Variants in VPS13C observed in about 807,000 individuals in gnomAD.
The protein encoded by VPS13C is intermembrane lipid transfer protein VPS13C.
A neutral mutation model predicts 456.8 loss-of-function variants in VPS13C; 358 were observed. That is an observed-to-expected ratio of 0.78 (90% confidence interval 0.72 to 0.86). VPS13C has a LOEUF of 0.86. Ranked by LOEUF, VPS13C falls within the 40% of genes least tolerant of loss-of-function variation. The pLI is 0.00. For missense variants in VPS13C, 4,818 were observed against 4,385.4 expected, an observed-to-expected ratio of 1.10 and a Z score of -2.79; for synonymous variants, 1,578 against 1,486.7, an observed-to-expected ratio of 1.06 and a Z score of -1.41.
chr15:62,040,818 G>A (rs918529090), intron 3 of VPS13C, among the ~76,000 whole-genome samples: 1 of 152,100 alleles, frequency 6.6e-6, no homozygotes, highest in Non-Finnish European at 1.5e-5. Flanking sequence ...ATTCAACAAA[G>A]ATATATATTT....
intron 16 of VPS13C, among the ~76,000 whole-genome samples, chr15:61,995,667 A>G (rs1258958914): frequency 7.2e-5 from 11 of 152,216 alleles, no homozygotes; most frequent in Non-Finnish European, 1.5e-5. Flanking sequence ...GCCAGAAATC[A>G]ACAAAAAGCT....
chr15:62,034,914 T>C (rs1265744229), intron 4 of VPS13C, 43 bp downstream of exon 4: 2 of 1,298,538 alleles, frequency 1.5e-6, no homozygotes, highest in Non-Finnish European at 2.2e-6. Context: ...CAATTTAATT[T>C]CAATGTGATG....
chr15:61,902,991 C>T (rs547479627), intron 66 of VPS13C, among the ~76,000 whole-genome samples: 43 of 150,526 alleles, frequency 2.9e-4, no homozygotes, highest in Non-Finnish European at 5.6e-4. Flanking sequence ...CCTGTTAAAA[C>T]GGATAAATTT....
At chr15:62,051,564 T>G (rs1470678154) in intron 1 of VPS13C, among the ~76,000 whole-genome samples, 1 of 152,194 alleles carries the variant, frequency 6.6e-6, no homozygotes. Flanking sequence ...CGTATAGGAT[T>G]TTAATTCAGA....
At chr15:61,971,919 C>T (rs939332978) in intron 27 of VPS13C, among the ~76,000 whole-genome samples, 5 of 152,128 alleles carry the variant, frequency 3.3e-5, no homozygotes, top group African/African-American at 4.8e-5. Flanking sequence ...GCACATGAAA[C>T]AGTCAATAAG....
At chr15:62,005,981 G>A (rs944594445) in intron 15 of VPS13C, among the ~76,000 whole-genome samples, 1 of 151,996 alleles carries the variant, frequency 6.6e-6, no homozygotes. Flanking sequence ...TGGGATTATA[G>A]GTGTGAGCCA....
chr15:62,044,075 G>T, intron 2 of VPS13C, 137 bp downstream of exon 2: 1 of 548,372 alleles, frequency 1.8e-6, no homozygotes, highest in Non-Finnish European at 3.1e-6. Context: ...TTTTCCAACA[G>T]CAAATAGTTG....
In VPS13C at chr15:61,920,177, A is replaced by G. The variant is rs753720235; in HGVS notation, c.7367T>C (p.Val2456Ala). ...GFPEKSDIFDVDAGQNLELEY... is the reference protein window; with the variant it reads ...GFPEKSDIFDADAGQNLELEY... The stretch of plus-strand genomic sequence containing the variant: ...CAGTTCCAAATTCTGGCCAGCATCA[A>G]CATCAAAAATATCACTTTTCTCAGG... Residue 2456 changes from valine to alanine, a missense_variant, in exon 57 of 85, where the codon GTT (valine) becomes GCT (alanine). Physicochemically the swap from Val to Ala is moderately conservative, Grantham distance 64. Transcript: ENST00000644861. 2 of 1,613,650 alleles carry G rather than the reference A, an allele frequency of 1.2e-6. No homozygotes were observed. The highest frequency in any genetic ancestry group is 1.1e-5 in the South Asian group (1 of 91,056).
chr15:61,899,366 T>C (rs1596308335), intron 66 of VPS13C, among the ~76,000 whole-genome samples: 1 of 143,282 alleles, frequency 7.0e-6, no homozygotes, highest in African/African-American at 2.6e-5. Context: ...GCAAGACTAA[T>C]AAAGAAAAAA....
chr15:62,001,305 A>G (rs1476996019), intron 15 of VPS13C, among the ~76,000 whole-genome samples: 1 of 152,202 alleles, frequency 6.6e-6, no homozygotes, highest in African/African-American at 2.4e-5. Context: ...TTGAACCCAA[A>G]TCCATCTGAC....
chr15:62,053,807 G>A (rs1313296918), intron 1 of VPS13C, among the ~76,000 whole-genome samples: 1 of 152,218 alleles, frequency 6.6e-6, no homozygotes, highest in African/African-American at 2.4e-5. Context: ...GGCAGCTCAA[G>A]GGGAAGTGTC....
At chr15:61,864,434 T>C (rs1004874312) in intron 81 of VPS13C, 274 of 864,660 alleles carry the variant, frequency 3.2e-4, no homozygotes, top group Non-Finnish European at 3.7e-4. Context: ...ACTGACATTA[T>C]ATATAATGCA....
intron 59 of VPS13C, 68 bp downstream of exon 59, chr15:61,918,068 G>A: frequency 6.8e-7 from 1 of 1,464,964 alleles, no homozygotes; most frequent in South Asian, 1.4e-5. Context: ...AAAATATGAA[G>A]TTATTTGCCA....
At chr15:61,974,213 T>C in intron 25 of VPS13C, 75 bp downstream of exon 25, 1 of 1,407,472 alleles carries the variant, frequency 7.1e-7, no homozygotes, top group Non-Finnish European at 9.4e-7. Flanking sequence ...TTATAAACCT[T>C]GCCCTGAAAC....
chr15:61,923,897 G>T (rs1448917273), intron 53 of VPS13C, among the ~76,000 whole-genome samples: 2 of 90,230 alleles, frequency 2.2e-5, no homozygotes, highest in African/African-American at 9.0e-5. Context: ...ACGGAGTCTC[G>T]CTCTGTCGCC....
chr15:61,943,230 A>T (rs1297778844), intron 45 of VPS13C, among the ~76,000 whole-genome samples: 2 of 152,170 alleles, frequency 1.3e-5, no homozygotes, highest in African/African-American at 4.8e-5. Context: ...TTCCTATCAA[A>T]TGACCAGTGT....
chr15:62,025,074 A>T lies in VPS13C; in HGVS notation c.449-1229T>A, dbSNP rs79224953. Reference sequence around the variant, plus strand: ...CTCAATTGTCTTGCCATCAGGCAGGAGACTTCATTAGGTCAGAGATAATCC... The same window carrying T: ...CTCAATTGTCTTGCCATCAGGCAGGTGACTTCATTAGGTCAGAGATAATCC... On this transcript the variant is annotated intron_variant, in intron 6 of 84. Coordinates refer to ENST00000644861, the MANE Select transcript of VPS13C (RefSeq NM_020821.3). 2.1e-3 allele frequency among the ~76,000 whole-genome samples: 314 copies of T among 152,228 alleles called. 1 individual carries two copies. Among genetic ancestry groups the T allele is most frequent in the African/African-American group, 7.0e-3 (292 of 41,542 alleles).
chr15:61,956,461 AC>A (rs1181991538), intron 37 of VPS13C, among the ~76,000 whole-genome samples: 1 of 152,050 alleles, frequency 6.6e-6, no homozygotes, highest in Non-Finnish European at 1.5e-5. Context: ...CTGGACATGT[AC>A]CCCCTGAATC....
intron 1 of VPS13C, among the ~76,000 whole-genome samples, chr15:62,048,850 G>A (rs1333223854): frequency 4.4e-4 from 67 of 152,256 alleles, no homozygotes; most frequent in Middle Eastern, 6.8e-3. Flanking sequence ...TTCTCTGATG[G>A]CCAGTGATGA....
Sources: gnomAD v4.1 joint callset for allele counts (sites outside exome capture counted in the v4.1 genomes callset) on GRCh38, gnomAD v4.1.1 for gene constraint, MANE v1.5 for transcripts, NCBI Gene and HGNC (gene_info 2026-07-23, HGNC 2026-07-21) for gene names.